ABLIM2: variants seen among roughly 807,000 people sequenced by gnomAD.
The protein encoded by ABLIM2 is actin-binding LIM protein 2.
A neutral mutation model predicts 97.7 loss-of-function variants in ABLIM2; 53 were observed. That is an observed-to-expected ratio of 0.54 (90% CI 0.44 to 0.68). The LOEUF is 0.68. Ranked by LOEUF, ABLIM2 falls within the 30% of genes least tolerant of loss-of-function variation. The probability of loss-of-function intolerance (pLI) is 0.00; values close to 1 mark genes in which losing one functional copy is unlikely to be tolerated. For synonymous variants in ABLIM2, 361 were observed against 345.8 expected (o/e 1.04, Z -0.49); for missense variants, 835 against 867.2 (o/e 0.96, Z 0.47).
At chr4:8,014,067 C>T (rs977739681) in intron 14 of ABLIM2, among the ~76,000 whole-genome samples, 1 of 152,250 alleles carries the variant, frequency 6.6e-6, no homozygotes, top group Non-Finnish European at 1.5e-5. Flanking sequence ...GCTCTGCAGC[C>T]AGCAAGTGGT....
At position 8,003,232 on chromosome 4, in the gene ABLIM2, T is replaced by C. The variant is rs1025059282; in HGVS notation, c.1618+4827A>G. 2.0e-5 allele frequency among the ~76,000 whole-genome samples: 3 copies of C among 152,204 alleles called. No individual in the cohort carries two copies. The highest frequency in any genetic ancestry group is 7.2e-5 in the African/African-American group (3 of 41,452). On this transcript the variant is annotated intron_variant, in intron 16 of 20. Coordinates refer to ENST00000447017, the MANE Select transcript of ABLIM2 (RefSeq NM_001130083.2). This position sits in a 1 kb window ranked among gnomAD's most constrained non-coding sequence, Gnocchi z 4.2. The stretch of plus-strand genomic sequence containing the variant: ...AATGCACCTAACCTAGCAAACACCA[T>C]GGCTTAGCCCAGCCTGCCTTAAACA...
chr4:8,144,837 A>G (rs1851533792), intron 1 of ABLIM2, among the ~76,000 whole-genome samples: 1 of 152,236 alleles, frequency 6.6e-6, no homozygotes, highest in Non-Finnish European at 1.5e-5. Context: ...GCTCTTTGGA[A>G]AGCATAAAAA....
intron 17 of ABLIM2, among the ~76,000 whole-genome samples, chr4:7,990,790 T>C (rs1748086277): frequency 6.6e-6 from 1 of 152,088 alleles, no homozygotes; most frequent in Admixed American, 6.6e-5. Context: ...ATGTGAAAGA[T>C]CAAGTATCTG....
intron 8 of ABLIM2, among the ~76,000 whole-genome samples, chr4:8,049,632 T>C (rs1453452028): frequency 1.3e-5 from 2 of 152,236 alleles, no homozygotes; most frequent in African/African-American, 4.8e-5. Context: ...TGAAGCCTGC[T>C]ACCTGGCAGC....
At chr4:8,011,854 A>G (rs75755143) in intron 14 of ABLIM2, among the ~76,000 whole-genome samples, 4,837 of 152,262 alleles carry the variant, frequency 0.032, 66 homozygotes, top group African/African-American at 0.045. Context: ...AGAGGTCTCA[A>G]ATTTTTTTTT....
At chr4:7,978,346 CTG>C (rs1338350462) in intron 20 of ABLIM2, among the ~76,000 whole-genome samples, 2 of 152,146 alleles carry the variant, frequency 1.3e-5, no homozygotes, top group Non-Finnish European at 2.9e-5. Flanking sequence ...TCTTGGAAAT[CTG>C]AGTGATTAAA....
At chr4:8,157,896 G>A (rs957816012) in intron 1 of ABLIM2, among the ~76,000 whole-genome samples, 1 of 152,262 alleles carries the variant, frequency 6.6e-6, no homozygotes, top group South Asian at 2.1e-4. Context: ...CCCTCAGCCC[G>A]GTGCGGGCCC....
At chr4:8,114,902 G>A (rs1404272493) in intron 1 of ABLIM2, among the ~76,000 whole-genome samples, 2 of 152,242 alleles carry the variant, frequency 1.3e-5, no homozygotes, top group Middle Eastern at 3.4e-3. Context: ...CACTCCTCCC[G>A]GGGCCCACCC....
chr4:8,031,969 C>T (rs560154739), intron 10 of ABLIM2, among the ~76,000 whole-genome samples: 8 of 152,026 alleles, frequency 5.3e-5, no homozygotes, highest in East Asian at 3.9e-4. Flanking sequence ...TCTGGTGATC[C>T]GCCCACCTCG....
At chr4:8,080,112 G>A (rs1015316605) in intron 5 of ABLIM2, among the ~76,000 whole-genome samples, 17 of 152,124 alleles carry the variant, frequency 1.1e-4, no homozygotes, top group African/African-American at 2.4e-4. Flanking sequence ...TTCCCAAATC[G>A]GCCACCACCC....
chr4:8,141,984 G>T (rs1324479597), intron 1 of ABLIM2, among the ~76,000 whole-genome samples: 1 of 152,256 alleles, frequency 6.6e-6, no homozygotes, highest in African/African-American at 2.4e-5. Flanking sequence ...GGTGCACAGG[G>T]GAACAAGCTG....
Position 8,037,285 on chromosome 4 carries a change from C to T in ABLIM2, c.901-990G>A, listed in dbSNP as rs866987956. 1.4e-4 allele frequency among the ~76,000 whole-genome samples: 22 copies of T among 151,808 alleles called. 1 individual carries two copies. Among genetic ancestry groups the T allele is most frequent in the Admixed American group, 9.8e-4 (15 of 15,244 alleles). The stretch of plus-strand genomic sequence containing the variant: ...CTACACATACATGTGCACACACATA[C>T]GCACACATGCACACACACACGCACA... On this transcript the variant is annotated intron_variant, in intron 9 of 20. Coordinates refer to ENST00000447017, the MANE Select transcript of ABLIM2 (RefSeq NM_001130083.2).
chr4:8,047,046 G>A (rs1054745794), intron 8 of ABLIM2, among the ~76,000 whole-genome samples: 1 of 152,184 alleles, frequency 6.6e-6, no homozygotes, highest in South Asian at 2.1e-4. Flanking sequence ...ATCGTGCAGC[G>A]GCTGGCGTGG....
At chr4:8,154,058 G>A (rs1287455933) in intron 1 of ABLIM2, among the ~76,000 whole-genome samples, 1 of 149,172 alleles carries the variant, frequency 6.7e-6, no homozygotes, top group Non-Finnish European at 1.5e-5. Flanking sequence ...TGCCTCCCAG[G>A]TTCACGCCAT....
rs1013410845 is a variant in ABLIM2, at chr4:8,044,795, G to A, written c.900+369C>T. Among the ~76,000 whole-genome samples the A allele has an allele frequency of 3.9e-5, 6 of 152,046 alleles. No homozygotes were observed. Among genetic ancestry groups the A allele is most frequent in the South Asian group, 2.1e-4 (1 of 4,814 alleles). On this transcript the variant is annotated intron_variant, in intron 9 of 20. Coordinates refer to ENST00000447017, the MANE Select transcript of ABLIM2 (RefSeq NM_001130083.2). The surrounding 1 kb of genome is among the most constrained non-coding windows in gnomAD (Gnocchi z 4.4). The stretch of plus-strand genomic sequence containing the variant: ...GTGTTGATGTACACAGATCCGTGCC[G>A]TTATTTGCAAACTCTGCAGGGTCCC...
At chr4:8,017,295 A>AT in intron 14 of ABLIM2, among the ~76,000 whole-genome samples, 1 of 148,164 alleles carries the variant, frequency 6.7e-6, no homozygotes, top group South Asian at 2.1e-4. Flanking sequence ...TATTATTATT[A>AT]TTATTATTTT....
At chr4:8,018,486 G>A (rs747806371) in intron 14 of ABLIM2, among the ~76,000 whole-genome samples, 1 of 152,152 alleles carries the variant, frequency 6.6e-6, no homozygotes, top group Non-Finnish European at 1.5e-5. Flanking sequence ...CATGCTCTAC[G>A]CTTCTCTGGT....
intron 7 of ABLIM2, among the ~76,000 whole-genome samples, chr4:8,060,593 C>T (rs924057036): frequency 1.3e-4 from 20 of 152,158 alleles, no homozygotes; most frequent in African/African-American, 4.3e-4. Flanking sequence ...AAACTCCTAA[C>T]TTGGACTCCC....
At chr4:7,982,837 G>T (rs1481210945) in intron 20 of ABLIM2, among the ~76,000 whole-genome samples, 1 of 152,120 alleles carries the variant, frequency 6.6e-6, no homozygotes, top group Non-Finnish European at 1.5e-5. Flanking sequence ...CTGAGTAGCT[G>T]GGATTACAGG....
Sources: gnomAD v4.1 joint callset for allele counts (sites outside exome capture counted in the v4.1 genomes callset) on GRCh38, gnomAD v4.1.1 for gene constraint, Gnocchi (gnomAD v3.1) non-coding constraint, MANE v1.5 for transcripts, NCBI Gene and HGNC (gene_info 2026-07-23, HGNC 2026-07-21) for gene names.